LRFN2: variants seen among roughly 807,000 people sequenced by gnomAD.
LRFN2 encodes leucine rich repeat and fibronectin type III domain containing 2, also known as leucine-rich repeat and fibronectin type-III domain-containing protein 2.
Under a neutral mutation model 37.3 loss-of-function variants are expected in LRFN2, and 18 were observed. The ratio of observed to expected loss-of-function variants is 0.48; its 90% confidence interval spans 0.33 to 0.72. The LOEUF is 0.72. LRFN2 is among the 30% of genes least tolerant of loss of function. The pLI is 0.02. For missense variants in LRFN2, 1,006 were observed against 1,060.7 expected (o/e 0.95, Z 0.72); for synonymous variants, 556 against 466.6 (o/e 1.19, Z -2.47).
intron 1 of LRFN2, among the ~76,000 whole-genome samples, chr6:40,494,632 G>T (rs1270106294): frequency 1.3e-5 from 2 of 151,908 alleles, no homozygotes; most frequent in East Asian, 1.9e-4. Flanking sequence ...TTAGTCCATT[G>T]TCCCTCTTAG....
intron 1 of LRFN2, among the ~76,000 whole-genome samples, chr6:40,582,183 G>T (rs1301308341): frequency 6.6e-6 from 1 of 152,116 alleles, no homozygotes; most frequent in African/African-American, 2.4e-5. Context: ...TGTGTTGAGG[G>T]GAGAGGACCC....
chr6:40,476,000 A>G (rs1764702300), intron 1 of LRFN2, among the ~76,000 whole-genome samples: 1 of 152,102 alleles, frequency 6.6e-6, no homozygotes, highest in Non-Finnish European at 1.5e-5. Context: ...ATTAAAAGCT[A>G]TATGTTATGG....
intron 1 of LRFN2, among the ~76,000 whole-genome samples, chr6:40,465,008 T>G (rs1042502864): frequency 2.6e-5 from 4 of 152,196 alleles, no homozygotes; most frequent in African/African-American, 9.7e-5. Context: ...ATCAGCAGAC[T>G]GTAAAGTAAA....
intron 1 of LRFN2, 137 bp downstream of exon 1, chr6:40,586,804 G>C (rs899521837): frequency 2.0e-5 from 3 of 152,314 alleles, no homozygotes; most frequent in African/African-American, 7.2e-5. Flanking sequence ...GTCCGCATGA[G>C]CACCTAGGAT....
intron 1 of LRFN2, among the ~76,000 whole-genome samples, chr6:40,461,576 C>G (rs185515295): frequency 6.8e-6 from 1 of 147,020 alleles, no homozygotes; most frequent in Non-Finnish European, 1.5e-5. Flanking sequence ...CCAGCCACCC[C>G]CCTCCCCCCG....
rs192759111 is a variant in LRFN2, at chr6:40,561,424, T to A, written c.-19+25517A>T. Among the ~76,000 whole-genome samples the A allele has an allele frequency of 3.3e-5, 5 of 152,218 alleles. No homozygotes were observed. In the East Asian group the frequency reaches 9.7e-4, roughly 29 times the overall value. On this transcript the variant is annotated intron_variant, in intron 1 of 2. Coordinates refer to ENST00000338305, the MANE Select transcript of LRFN2 (RefSeq NM_020737.3). ...GTTGGGGACTGATCTGGGAATAGAA[T>A]CCATGTCTCCTAGAACTTCCCCATG... is the stretch of plus-strand genomic sequence containing the variant.
intron 1 of LRFN2, among the ~76,000 whole-genome samples, chr6:40,553,237 C>T (rs1320625252): frequency 6.6e-6 from 1 of 152,212 alleles, no homozygotes; most frequent in Non-Finnish European, 1.5e-5. Flanking sequence ...TTTAAGGAAA[C>T]TTGGCTATGG....
chr6:40,483,927 C>T (rs1238919317), intron 1 of LRFN2, among the ~76,000 whole-genome samples: 1 of 152,190 alleles, frequency 6.6e-6, no homozygotes, highest in Non-Finnish European at 1.5e-5. Flanking sequence ...CCCTCTTGAG[C>T]CTGTCAGCAT....
Position 40,433,120 on chromosome 6 carries a change from G to A in LRFN2, c.-7C>T, listed in dbSNP as rs1293220598. On this transcript the variant is annotated 5_prime_UTR_variant, in exon 2 of 3. Coordinates refer to ENST00000338305, the MANE Select transcript of LRFN2 (RefSeq NM_020737.3). The stretch of plus-strand genomic sequence containing the variant: ...CACCAAGCAGGGTCTCCATGGTCTG[G>A]TCACTCAGCGCCTGGAAGGGAGAAA... The A allele has an allele frequency of 1.3e-6, 2 of 1,517,600 alleles. No homozygotes were observed. The highest frequency in any genetic ancestry group is 1.8e-6 in the Non-Finnish European group (2 of 1,134,500). 94.0% of individuals were successfully genotyped at this position (1,517,600 alleles called of 1,614,324 possible).
chr6:40,539,408 A>C (rs2504837), intron 1 of LRFN2, among the ~76,000 whole-genome samples: 48 of 152,290 alleles, frequency 3.2e-4, no homozygotes, highest in African/African-American at 1.1e-3. Flanking sequence ...TAGAGGAATA[A>C]ATAAAGACAG....
At chr6:40,544,398 C>A (rs574457734) in intron 1 of LRFN2, among the ~76,000 whole-genome samples, 21 of 152,296 alleles carry the variant, frequency 1.4e-4, no homozygotes, top group African/African-American at 4.6e-4. Flanking sequence ...CTTTGTTTCC[C>A]AACCCCTCTT....
At chr6:40,437,991 T>C (rs1045563703) in intron 1 of LRFN2, among the ~76,000 whole-genome samples, 2 of 152,196 alleles carry the variant, frequency 1.3e-5, no homozygotes, top group African/African-American at 4.8e-5. Context: ...AGTGGGATTA[T>C]TTGTGGGCAA....
At chr6:40,434,443 A>T (rs1022534343) in intron 1 of LRFN2, among the ~76,000 whole-genome samples, 1 of 151,540 alleles carries the variant, frequency 6.6e-6, no homozygotes, top group Non-Finnish European at 1.5e-5. Flanking sequence ...ATTGTGTAGC[A>T]TTATGCAGAC....
rs145450310 is a variant in LRFN2, at chr6:40,413,871, T to G, written c.1400+17843A>C. Among the ~76,000 whole-genome samples the G allele has an allele frequency of 3.9e-3, 593 of 152,320 alleles. 3 individuals carry two copies. The highest frequency in any genetic ancestry group is 0.027 in the Middle Eastern group (8 of 294). On this transcript the variant is annotated intron_variant, in intron 2 of 2. Coordinates refer to ENST00000338305, the MANE Select transcript of LRFN2 (RefSeq NM_020737.3). ...GGTGGGTGGGATGGGTGGGTCTGGT[T>G]CAGTCTCCCCCTCATGGTGGTTCTG...
At chr6:40,480,439 G>A (rs530769520) in intron 1 of LRFN2, among the ~76,000 whole-genome samples, 17 of 152,094 alleles carry the variant, frequency 1.1e-4, no homozygotes, top group Middle Eastern at 3.4e-3. Context: ...CCAGAACACC[G>A]GTTATTTTTT....
chr6:40,479,746 C>G (rs1003879844), intron 1 of LRFN2, among the ~76,000 whole-genome samples: 3 of 152,184 alleles, frequency 2.0e-5, no homozygotes, highest in Admixed American at 6.5e-5. Context: ...GCTCCCCTGT[C>G]GTCACCACAG....
chr6:40,426,073 T>C (rs770420110), intron 2 of LRFN2, among the ~76,000 whole-genome samples: 5 of 152,052 alleles, frequency 3.3e-5, no homozygotes, highest in Non-Finnish European at 5.9e-5. Context: ...GATTTTTGTC[T>C]CTGACCCCAG....
At chr6:40,529,514 T>C (rs578035287) in intron 1 of LRFN2, among the ~76,000 whole-genome samples, 2 of 152,310 alleles carry the variant, frequency 1.3e-5, no homozygotes, top group African/African-American at 2.4e-5. Context: ...AAATGGAATA[T>C]AGAAAGTAAA....
chr6:40,558,963 A>G (rs1639007024), intron 1 of LRFN2, among the ~76,000 whole-genome samples: 2 of 152,188 alleles, frequency 1.3e-5, no homozygotes, highest in Admixed American at 1.3e-4. Flanking sequence ...GTGAGCACTA[A>G]GCTGAAGGAC....
Sources: allele counts gnomAD v4.1 joint callset (sites outside exome capture counted in the v4.1 genomes callset), GRCh38; gene constraint gnomAD v4.1.1; transcripts MANE v1.5; gene names NCBI Gene and HGNC (gene_info 2026-07-23, HGNC 2026-07-21).